Variants in PSME3 observed in about 807,000 individuals in gnomAD.
PSME3 encodes proteasome activator complex subunit 3.
PSME3 carries 7 observed loss-of-function variants against 38.3 expected under a neutral mutation model. The ratio of observed to expected loss-of-function variants is 0.18; its 90% CI spans 0.10 to 0.34. The LOEUF is 0.34. Ranked by LOEUF, PSME3 falls within the 10% of genes least tolerant of loss-of-function variation. PSME3 has a pLI of 1.00. For missense variants in PSME3, 192 were observed against 307.6 expected, an observed-to-expected ratio of 0.62 and a Z score of 2.81; for synonymous variants, 108 against 105.7, an observed-to-expected ratio of 1.02 and a Z score of -0.13.
intron 10 of PSME3, among the ~76,000 whole-genome samples, chr17:42,841,172 A>G (rs561641251): frequency 1.4e-4 from 22 of 151,944 alleles, no homozygotes; most frequent in Admixed American, 1.4e-3. Context: ...GTCTTCACTT[A>G]ATGTTGTCCA....
At position 42,840,419 on chromosome 17, in the gene PSME3, A is replaced by C. The variant is rs558948187; in HGVS notation, c.684+1039A>C. On this transcript the variant is annotated intron_variant, in intron 10 of 10. Coordinates refer to ENST00000590720, the MANE Select transcript of PSME3 (RefSeq NM_005789.4). Reference sequence around the variant, plus strand: ...TCAGGAGTTTTTGACCAGCCTGGCCAACATGGTGAAACCCCATCTCTACTG... The same window carrying C: ...TCAGGAGTTTTTGACCAGCCTGGCCCACATGGTGAAACCCCATCTCTACTG... 3.9e-5 allele frequency among the ~76,000 whole-genome samples: 6 copies of C among 152,242 alleles called. No individual in the cohort carries two copies. In the South Asian group the frequency reaches 1.2e-3, roughly 32 times the overall value.
intron 10 of PSME3, among the ~76,000 whole-genome samples, chr17:42,841,264 A>G (rs2055529680): frequency 6.6e-6 from 1 of 152,172 alleles, no homozygotes; most frequent in Non-Finnish European, 1.5e-5. Context: ...ACAAAATGAC[A>G]TCGAACAAAA....
chr17:42,834,329 C>T lies in PSME3; in HGVS notation c.43-15C>T, dbSNP rs1200434268. ...CTGTCCCCAGGTACTGAATTGCTCT[C>T]TTTGTTAATTTTAGGTTGATTCTTT... On this transcript the variant is annotated splice_polypyrimidine_tract_variant and intron_variant, in intron 1 of 10. Transcript: ENST00000590720. 1 of 1,614,046 alleles carries T rather than the reference C, an allele frequency of 6.2e-7. No individual in the cohort carries two copies. The highest frequency in any genetic ancestry group is 8.5e-7 in the Non-Finnish European group (1 of 1,179,990).
rs144379026 is a variant in PSME3, at chr17:42,839,353, C to A, written c.657C>A (p.Leu219=). Residue 219 remains leucine (L), a synonymous_variant, in exon 10 of 11, where the codon CTC becomes CTA. Transcript: ENST00000590720. The part of the protein sequence containing the change: ...IDEKEYISLR[L]IISELRNQYV... ...AGAAAGAATATATCAGCCTTCGGCTCATCATATCAGAGCTGAGGAATCAAT... is the reference window on the plus strand; with the variant it reads ...AGAAAGAATATATCAGCCTTCGGCTAATCATATCAGAGCTGAGGAATCAAT... 6.2e-7 allele frequency: 1 copy of A among 1,612,414 alleles called. No individual in the cohort carries two copies. The highest frequency in any genetic ancestry group is 1.1e-5 in the South Asian group (1 of 91,006).
rs1287723223 is a variant in PSME3 at position 42,842,644 on chromosome 17, T to A, written c.*1066T>A. 1 of 152,796 alleles carries A rather than the reference T, an allele frequency of 6.5e-6. No homozygotes were observed. Among genetic ancestry groups the A allele is most frequent in the Non-Finnish European group, 1.5e-5 (1 of 68,050 alleles). The allele number at this position is 152,796 out of a possible 1,614,324, so 9.5% of individuals were successfully genotyped here. On this transcript the variant is annotated 3_prime_UTR_variant, in exon 11 of 11. Transcript: ENST00000590720. ...AGTGTCGGGCTTCCGGGGAAAGCAA[T>A]CATTGGTGTGTATGTGTATGTGCAT...
In PSME3 at chr17:42,834,586, C is replaced by A; in HGVS notation, c.138+9C>A. The stretch of plus-strand genomic sequence containing the variant: ...TTGATAGTTTTCTGAAGGTGAGAGA[C>A]CCTATTCTTTCCTCAAATTCCCCAA... On this transcript the variant is annotated intron_variant, in intron 3 of 10. Transcript: ENST00000590720. 6.2e-7 allele frequency: 1 copy of A among 1,613,370 alleles called. No individual in the cohort carries two copies. The highest frequency in any genetic ancestry group is 8.5e-7 in the Non-Finnish European group (1 of 1,179,474).
At chr17:42,835,012 C>A in intron 4 of PSME3, 136 bp downstream of exon 4, 1 of 1,205,698 alleles carries the variant, frequency 8.3e-7, no homozygotes, top group Non-Finnish European at 1.1e-6. Flanking sequence ...GACATGATGA[C>A]TCTAGTATAG....
Position 42,837,715 on chromosome 17 carries a change from C to T in PSME3, c.292+18C>T, listed in dbSNP as rs776363059. 21 of 1,610,150 alleles carry T rather than the reference C, an allele frequency of 1.3e-5. No homozygotes were observed. Among genetic ancestry groups the T allele is most frequent in the Non-Finnish European group, 1.6e-5 (19 of 1,177,430 alleles). ...CTTCCAAGGTAAGAGGCACCCTTAC[C>T]TCACCTCCCCTCACCCCATCCCTGA... On this transcript the variant is annotated intron_variant, in intron 5 of 10. Transcript: ENST00000590720.
chr17:42,839,501 C>T (rs1348335425), intron 10 of PSME3, 121 bp downstream of exon 10: 1 of 747,964 alleles, frequency 1.3e-6, no homozygotes, highest in Non-Finnish European at 2.3e-6. Flanking sequence ...AGACCAAATT[C>T]TATTCATCAC....
chr17:42,843,674 C>A lies in PSME3; in HGVS notation c.*2096C>A, dbSNP rs2055562236. ...ATGTCTTCAGTTTCTTGAGGAGACT[C>A]CTAGTTTTGGTTTTCAAATTACTTG... On this transcript the variant is annotated 3_prime_UTR_variant, in exon 11 of 11. Transcript: ENST00000590720. 6.6e-6 allele frequency: 1 copy of A among 152,300 alleles called. No homozygotes were observed. Among genetic ancestry groups the A allele is most frequent in the South Asian group, 2.1e-4 (1 of 4,832 alleles). The allele number at this position is 152,300 out of a possible 1,614,324, so 9.4% of individuals were successfully genotyped here.
rs59492997 is a variant in PSME3 at position 42,834,437 on chromosome 17, GGAGA to G, written c.76-49_76-46del. The G allele has an allele frequency of 5.4e-3, 8,104 of 1,504,434 alleles. 5 individuals carry two copies. Among genetic ancestry groups the G allele is most frequent in the African/African-American group, 0.017 (1,161 of 70,316 alleles). 93.2% of individuals were successfully genotyped at this position (1,504,434 alleles called of 1,614,324 possible). On this transcript the variant is annotated intron_variant, in intron 2 of 10. Transcript: ENST00000590720. ...AGAATTTCCCAAAGAGGAGATACCT[GGAGA>G]GAGAGAGAGAGAGAGAGAGAGAGAG...
intron 10 of PSME3, 43 bp from the exon 11 acceptor site, chr17:42,841,455 G>C: frequency 7.5e-7 from 1 of 1,327,902 alleles, no homozygotes; most frequent in Non-Finnish European, 1.1e-6. Context: ...GATGAGGTAA[G>C]GGTTGTACAG....
intron 9 of PSME3, 28 bp downstream of exon 9, chr17:42,839,194 T>C: frequency 1.9e-6 from 3 of 1,568,572 alleles, no homozygotes; most frequent in Non-Finnish European, 2.6e-6. Flanking sequence ...GGCCTGAGGG[T>C]GGAGGTGGCA....
intron 4 of PSME3, among the ~76,000 whole-genome samples, chr17:42,837,223 G>A (rs1443276093): frequency 6.6e-6 from 1 of 152,072 alleles, no homozygotes; most frequent in Non-Finnish European, 1.5e-5. Flanking sequence ...GCTAATTTTT[G>A]TATTTTTAGT....
In PSME3 at chr17:42,833,438, A is replaced by G. The variant is rs1482205384; in HGVS notation, c.-194A>G. 1.6e-6 allele frequency: 1 copy of G among 636,350 alleles called. No individual in the cohort carries two copies. Among genetic ancestry groups the G allele is most frequent in the African/African-American group, 1.8e-5 (1 of 54,310 alleles). The allele number at this position is 636,350 out of a possible 1,614,324, so 39.4% of individuals were successfully genotyped here. On this transcript the variant is annotated 5_prime_UTR_variant, in exon 1 of 11. Transcript: ENST00000590720. ...GCGGCGAAAGCCGGGAGGGCGAGCG[A>G]GAGAGCAAGCAGGCAGCAGGCTGCC...
At chr17:42,836,019 T>G (rs529251037) in intron 4 of PSME3, among the ~76,000 whole-genome samples, 1 of 149,852 alleles carries the variant, frequency 6.7e-6, no homozygotes, top group East Asian at 1.9e-4. Context: ...TTTTTTTTTT[T>G]CCTTGAGACA....
In PSME3 at chr17:42,842,295, CT is replaced by C. The variant is rs2055543943; in HGVS notation, c.*718del. The C allele has an allele frequency of 6.5e-6, 1 of 152,776 alleles. No homozygotes were observed. Among genetic ancestry groups the C allele is most frequent in the East Asian group, 1.9e-4 (1 of 5,336 alleles). The allele number at this position is 152,776 out of a possible 1,614,324, so 9.5% of individuals were successfully genotyped here. A position where few individuals can be genotyped will look rare whatever the true frequency, so the allele number is the denominator to read the frequency against. Reference sequence around the variant, plus strand: ...AACATACCCTCCCTCTCCACAACCCCTGTCACATACCTTTCAGGAGGTGACA... The same window carrying C: ...AACATACCCTCCCTCTCCACAACCCCGTCACATACCTTTCAGGAGGTGACA... On this transcript the variant is annotated 3_prime_UTR_variant, in exon 11 of 11. Transcript: ENST00000590720.
rs1227745512 is a variant in PSME3, at chr17:42,838,805, G to A, written c.474+6G>A. ...ACTTTGGGGTGTCCATTCAGGTAAT[G>A]TACTTGAATTACATACTGGGAAGAG... On this transcript the variant is annotated splice_donor_region_variant and intron_variant, in intron 7 of 10. Transcript: ENST00000590720. The A allele has an allele frequency of 6.3e-7, 1 of 1,587,126 alleles. No individual in the cohort carries two copies. Among genetic ancestry groups the A allele is most frequent in the African/African-American group, 1.3e-5 (1 of 74,412 alleles).
chr17:42,839,853 G>A lies in PSME3; in HGVS notation c.684+473G>A, dbSNP rs866296639. 2.0e-5 allele frequency among the ~76,000 whole-genome samples: 3 copies of A among 151,450 alleles called. No homozygotes were observed. The South Asian group carries it at 6.2e-4, about 31-fold the overall frequency. On this transcript the variant is annotated intron_variant, in intron 10 of 10. Transcript: ENST00000590720. ...CTCTACTAAAAATACAAAATTAGCC[G>A]GGCCTGGTGGCACATGTCTGTAATC...
Sources: allele counts gnomAD v4.1 joint callset (sites outside exome capture counted in the v4.1 genomes callset), GRCh38; gene constraint gnomAD v4.1.1; transcripts MANE v1.5; gene names NCBI Gene and HGNC (gene_info 2026-07-23, HGNC 2026-07-21).